MTSS1: variants seen among roughly 807,000 people sequenced by gnomAD.
The protein encoded by MTSS1 is protein MTSS 1.
In MTSS1, 18 loss-of-function variants were observed where a neutral mutation model predicts 79.0. The ratio of observed to expected loss-of-function variants is 0.23; its 90% CI spans 0.16 to 0.34. The LOEUF (loss-of-function observed/expected upper bound fraction) is 0.34. MTSS1 is among the 10% of genes least tolerant of loss of function. MTSS1 has a pLI of 1.00. For missense variants in MTSS1, 815 were observed against 986.2 expected, an observed-to-expected ratio of 0.83 and a Z score of 2.33; for synonymous variants, 341 against 368.6, an observed-to-expected ratio of 0.93 and a Z score of 0.86.
At chr8:124,561,176 A>C (rs936791055) in intron 10 of MTSS1, among the ~76,000 whole-genome samples, 1 of 152,176 alleles carries the variant, frequency 6.6e-6, no homozygotes, top group South Asian at 2.1e-4. Context: ...TCATGCCTGT[A>C]ATTCCAGAAT....
chr8:124,705,508 A>G (rs1419822038), intron 1 of MTSS1, among the ~76,000 whole-genome samples: 2 of 152,128 alleles, frequency 1.3e-5, no homozygotes, highest in Non-Finnish European at 2.9e-5. Context: ...AAAACAAAAC[A>G]AAACTAAGAC....
intron 3 of MTSS1, among the ~76,000 whole-genome samples, chr8:124,611,393 C>T (rs544995898): frequency 6.6e-6 from 1 of 152,152 alleles, no homozygotes; most frequent in Non-Finnish European, 1.5e-5. Flanking sequence ...AGCGGCGTGA[C>T]CTGTGGAGGA....
intron 7 of MTSS1, chr8:124,567,767 T>C: frequency 6.5e-7 from 1 of 1,528,074 alleles, no homozygotes; most frequent in Non-Finnish European, 8.7e-7. Flanking sequence ...GGAAAAGTTC[T>C]GTGCTCAGGG....
rs1295238868 is a variant in MTSS1 at position 124,703,227 on chromosome 8, T to C, written c.134+903A>G. On this transcript the variant is annotated intron_variant, in intron 2 of 13. Coordinates refer to ENST00000518547, the MANE Select transcript of MTSS1 (RefSeq NM_014751.6). Reference sequence around the variant, plus strand: ...GATCAACATCTCTCTAAAGATATGCTTTTGCTAGATAGTTCATGTAAATGG... The same window carrying C: ...GATCAACATCTCTCTAAAGATATGCCTTTGCTAGATAGTTCATGTAAATGG... Among the ~76,000 whole-genome samples, 4 of 152,320 alleles carry C rather than the reference T, an allele frequency of 2.6e-5. No individual in the cohort carries two copies. In the East Asian group the frequency reaches 7.7e-4, roughly 29 times the overall value.
intron 3 of MTSS1, among the ~76,000 whole-genome samples, 185 bp from the exon 4 acceptor site, chr8:124,591,420 T>C (rs888401327): frequency 4.6e-5 from 7 of 152,258 alleles, no homozygotes; most frequent in African/African-American, 1.2e-4. Flanking sequence ...TATGTACGTA[T>C]GGTGACAGAT....
chr8:124,691,797 T>C (rs985284545), intron 3 of MTSS1, among the ~76,000 whole-genome samples: 9 of 152,190 alleles, frequency 5.9e-5, no homozygotes, highest in Non-Finnish European at 1.0e-4. Context: ...ATTACAGGCG[T>C]GAGCCACCGC....
chr8:124,662,546 TC>T (rs1272397175), intron 3 of MTSS1, among the ~76,000 whole-genome samples: 4 of 152,242 alleles, frequency 2.6e-5, no homozygotes, highest in Middle Eastern at 3.4e-3. Flanking sequence ...ATACTCAGGA[TC>T]CGGGCTCTGC....
chr8:124,555,948 G>GC lies in MTSS1; in HGVS notation c.1405-45_1405-44insG, dbSNP rs201613790. On this transcript the variant is annotated intron_variant, in intron 12 of 13. Transcript: ENST00000518547. Reference sequence around the variant, plus strand: ...AAATACACAGGTTGCTTTAGGGGGGGGGCTCAACAGCACTCCTGTTCTGCC... The same window carrying GC: ...AAATACACAGGTTGCTTTAGGGGGGGCGGCTCAACAGCACTCCTGTTCTGCC... 4.6e-4 allele frequency: 739 copies of GC among 1,594,770 alleles called. 2 individuals carry two copies. The African/African-American group carries it at 8.7e-3, about 19-fold the overall frequency.
rs750490897 is a variant in MTSS1 at position 124,611,106 on chromosome 8, A to ACCC, written c.209-19874_209-19872dup. Among the ~76,000 whole-genome samples the ACCC allele has an allele frequency of 5.1e-3, 481 of 94,376 alleles. 27 individuals are homozygous for ACCC. Among genetic ancestry groups the ACCC allele is most frequent in the South Asian group, 9.2e-3 (23 of 2,502 alleles). 61.9% of individuals were successfully genotyped at this position (94,376 alleles called of 152,430 possible). On this transcript the variant is annotated intron_variant, in intron 3 of 13. Transcript: ENST00000518547. The stretch of plus-strand genomic sequence containing the variant: ...ACATGTGCACAAACCCACCAGACAG[A>ACCC]CCCCCCCCCCCCAGCATGTGACTCA...
intron 3 of MTSS1, among the ~76,000 whole-genome samples, chr8:124,696,409 A>G (rs1009250445): frequency 2.2e-4 from 33 of 151,836 alleles, no homozygotes; most frequent in African/African-American, 8.0e-4. Context: ...TATCTCTGTA[A>G]AATATACCTT....
intron 3 of MTSS1, among the ~76,000 whole-genome samples, chr8:124,686,588 G>A (rs1827024101): frequency 3.9e-5 from 6 of 152,128 alleles, no homozygotes; most frequent in South Asian, 2.1e-4. Context: ...CCAGAGTTCC[G>A]TTAAATTGCC....
chr8:124,631,531 C>T (rs966888963), intron 3 of MTSS1, among the ~76,000 whole-genome samples: 30 of 152,316 alleles, frequency 2.0e-4, no homozygotes, highest in Non-Finnish European at 2.2e-4. Flanking sequence ...GTGACCTCAC[C>T]GTGCACCAGA....
At chr8:124,622,854 T>C (rs1813872596) in intron 3 of MTSS1, among the ~76,000 whole-genome samples, 1 of 151,280 alleles carries the variant, frequency 6.6e-6, no homozygotes, top group Non-Finnish European at 1.5e-5. Flanking sequence ...TTGACTATAG[T>C]AACCATTTCA....
At chr8:124,624,708 G>A (rs572927985) in intron 3 of MTSS1, among the ~76,000 whole-genome samples, 4 of 152,314 alleles carry the variant, frequency 2.6e-5, no homozygotes, top group South Asian at 2.1e-4. Flanking sequence ...CGTTGATGGC[G>A]CTGAAATAAA....
Position 124,562,873 on chromosome 8 carries a change from G to T in MTSS1, c.944C>A (p.Ser315Tyr). The T allele has an allele frequency of 1.2e-6, 2 of 1,614,138 alleles. No individual in the cohort carries two copies. The highest frequency in any genetic ancestry group is 1.7e-6 in the Non-Finnish European group (2 of 1,180,022). Residue 315 changes from serine (S) to tyrosine (Y), a missense_variant, in exon 10 of 14, where the codon TCC (serine) becomes TAC (tyrosine). Coordinates refer to ENST00000518547, the MANE Select transcript of MTSS1 (RefSeq NM_014751.6). ...TCCTGAGTCATGGGAGGACACGCTG[G>T]ACAGCCTCACAGGAGCCTGCTGGGC... ...NLAQQAPVRL[S>Y]SVSSHDSGFI... is the part of the protein sequence containing the mutation.
chr8:124,618,306 C>G (rs1337992683), intron 3 of MTSS1, among the ~76,000 whole-genome samples: 3 of 152,130 alleles, frequency 2.0e-5, no homozygotes, highest in African/African-American at 4.8e-5. Flanking sequence ...CTCTACATAC[C>G]AATTTTTCCC....
intron 10 of MTSS1, chr8:124,558,917 G>T: frequency 1.4e-6 from 2 of 1,447,562 alleles, no homozygotes; most frequent in Non-Finnish European, 1.8e-6. Context: ...AAAAGGAATG[G>T]GGATGGGAGT....
At chr8:124,558,928 G>C in intron 10 of MTSS1, 4 of 1,415,096 alleles carry the variant, frequency 2.8e-6, no homozygotes, top group Non-Finnish European at 3.7e-6. Context: ...GGATGGGAGT[G>C]GGGAAGGGCA....
At chr8:124,701,283 C>G (rs1384885582) in intron 2 of MTSS1, among the ~76,000 whole-genome samples, 1 of 152,066 alleles carries the variant, frequency 6.6e-6, no homozygotes. Context: ...AAAGGAATGG[C>G]CTTTAAACAT....
Sources: gnomAD v4.1 joint callset for allele counts (sites outside exome capture counted in the v4.1 genomes callset) on GRCh38, gnomAD v4.1.1 for gene constraint, MANE v1.5 for transcripts, NCBI Gene and HGNC (gene_info 2026-07-23, HGNC 2026-07-21) for gene names.